The following ABCB1 variants were observed in gnomAD, a reference collection of about 807,000 sequenced individuals.
ABCB1 encodes ATP binding cassette subfamily B member 1.
In ABCB1, 69 loss-of-function variants were observed where a neutral mutation model predicts 142.0. The ratio of observed to expected loss-of-function variants is 0.49; its 90% confidence interval spans 0.40 to 0.59. The LOEUF is 0.59. ABCB1 is among the 20% of genes least tolerant of loss of function. The pLI is 0.00. For missense variants in ABCB1, 1,326 were observed against 1,554.7 expected, an observed-to-expected ratio of 0.85 and a Z score of 2.47; for synonymous variants, 532 against 539.2, an observed-to-expected ratio of 0.99 and a Z score of 0.18.
intron 24 of ABCB1, 109 bp from the exon 25 acceptor site, chr7:87,515,537 A>G: frequency 1.1e-6 from 1 of 911,500 alleles, no homozygotes; most frequent in Non-Finnish European, 1.8e-6. Context: ...TTTGTGTTAC[A>G]ATTGGCTTCA....
At chr7:87,601,582 A>G (rs1819459256), upstream of ABCB1, among the ~76,000 whole-genome samples, 1 of 152,234 alleles carries the variant, frequency 6.6e-6, no homozygotes, top group South Asian at 2.1e-4. Flanking sequence ...AGCATATTAC[A>G]TTAGTTGTAA....
chr7:87,660,737 C>A (rs1824617586), intron 1 of ABCB1, among the ~76,000 whole-genome samples: 1 of 151,762 alleles, frequency 6.6e-6, no homozygotes, highest in Admixed American at 6.6e-5. Context: ...ACTGCTTTGG[C>A]TAAATTTATG....
chr7:87,597,121 C>A (rs1266991701), intron 2 of ABCB1, among the ~76,000 whole-genome samples: 1 of 151,892 alleles, frequency 6.6e-6, no homozygotes, highest in African/African-American at 2.4e-5. Flanking sequence ...TATAACTAAG[C>A]CAATATTTAA....
chr7:87,701,039 A>G lies in ABCB1; in HGVS notation c.-331+12122T>C, dbSNP rs183023343. 2.5e-4 allele frequency among the ~76,000 whole-genome samples: 38 copies of G among 152,252 alleles called. 1 individual carries two copies. The highest frequency in any genetic ancestry group is 1.4e-3 in the Admixed American group (21 of 15,294). Reference sequence around the variant, plus strand: ...AAACATTAATTCTTATTAAATCTCAACTTTGAGGATCTGTCTTTTTAATAT... The same window carrying G: ...AAACATTAATTCTTATTAAATCTCAGCTTTGAGGATCTGTCTTTTTAATAT... On this transcript the variant is annotated intron_variant, in intron 1 of 28. Transcript: ENST00000265724.
At chr7:87,670,877 G>T (rs183297817) in intron 1 of ABCB1, among the ~76,000 whole-genome samples, 340 of 152,326 alleles carry the variant, frequency 2.2e-3, no homozygotes, top group Non-Finnish European at 3.5e-3. Context: ...CTCTGTCAAT[G>T]TTCTGAAAGT....
chr7:87,560,149 T>C (rs1166064727), intron 8 of ABCB1, among the ~76,000 whole-genome samples: 1 of 152,204 alleles, frequency 6.6e-6, no homozygotes, highest in Non-Finnish European at 1.5e-5. Flanking sequence ...AGCCGGGGAT[T>C]TATTTCATTG....
chr7:87,512,891 T>C (rs1815079809), intron 25 of ABCB1, among the ~76,000 whole-genome samples: 1 of 152,222 alleles, frequency 6.6e-6, no homozygotes. Context: ...TACTGTCCTA[T>C]GCACTCAGCA....
upstream of ABCB1, among the ~76,000 whole-genome samples, chr7:87,604,542 A>G (rs1360908664): frequency 6.6e-6 from 1 of 152,040 alleles, no homozygotes; most frequent in African/African-American, 2.4e-5. Context: ...ATATTAAATG[A>G]CTGTACTTGA....
chr7:87,561,041 G>A (rs1329212769), intron 8 of ABCB1, among the ~76,000 whole-genome samples: 4 of 152,166 alleles, frequency 2.6e-5, no homozygotes, highest in African/African-American at 9.7e-5. Flanking sequence ...CTATTTTTAT[G>A]TTATTGCCCA....
At chr7:87,521,931 C>T in intron 21 of ABCB1, 1 of 781,122 alleles carries the variant, frequency 1.3e-6, no homozygotes, top group Non-Finnish European at 2.3e-6. Flanking sequence ...ACGACCATGA[C>T]TCCATGGGTA....
At chr7:87,505,818 T>A (rs1563024732) in intron 27 of ABCB1, 79 bp downstream of exon 27, 63 of 1,550,662 alleles carry the variant, frequency 4.1e-5, no homozygotes, top group Non-Finnish European at 5.5e-5. Flanking sequence ...CTGGCTGCAT[T>A]TTGTTCTTTA....
At chr7:87,680,617 AC>A (rs1374181426) in intron 1 of ABCB1, among the ~76,000 whole-genome samples, 1 of 149,940 alleles carries the variant, frequency 6.7e-6, no homozygotes, top group Non-Finnish European at 1.5e-5. Context: ...ACATGGTGAA[AC>A]CCCGTTTCTA....
At chr7:87,592,446 G>T (rs1009236422) in intron 3 of ABCB1, among the ~76,000 whole-genome samples, 1 of 152,180 alleles carries the variant, frequency 6.6e-6, no homozygotes, top group Non-Finnish European at 1.5e-5. Context: ...CACCCAAGTT[G>T]GTTGGAGCAC....
intron 15 of ABCB1, among the ~76,000 whole-genome samples, chr7:87,545,452 A>T (rs1181989383): frequency 1.3e-5 from 2 of 152,252 alleles, no homozygotes; most frequent in Admixed American, 6.5e-5. Flanking sequence ...AATATATCCA[A>T]TATATTATTG....
At chr7:87,506,637 C>T (rs1234231679) in intron 26 of ABCB1, among the ~76,000 whole-genome samples, 1 of 152,134 alleles carries the variant, frequency 6.6e-6, no homozygotes, top group Non-Finnish European at 1.5e-5. Flanking sequence ...TCCCAAAATT[C>T]TTCCCGTGTT....
At chr7:87,604,401 C>T (rs965627251), upstream of ABCB1, among the ~76,000 whole-genome samples, 13 of 151,598 alleles carry the variant, frequency 8.6e-5, no homozygotes, top group Non-Finnish European at 1.9e-4. Flanking sequence ...AGACATATGA[C>T]TCACTTGTGT....
intron 1 of ABCB1, among the ~76,000 whole-genome samples, chr7:87,610,299 G>A (rs1051174282): frequency 7.2e-6 from 1 of 139,154 alleles, no homozygotes; most frequent in Non-Finnish European, 1.5e-5. Flanking sequence ...TTGCAATGGT[G>A]CAGTCATTGC....
intron 7 of ABCB1, among the ~76,000 whole-genome samples, chr7:87,563,708 A>T (rs563922179): frequency 6.6e-6 from 1 of 152,334 alleles, no homozygotes; most frequent in South Asian, 2.1e-4. Context: ...TGAATGGGCA[A>T]AAGCTGGAAG....
intron 1 of ABCB1, among the ~76,000 whole-genome samples, chr7:87,641,671 A>G (rs1202294559): frequency 2.6e-5 from 4 of 152,200 alleles, no homozygotes; most frequent in African/African-American, 9.7e-5. Flanking sequence ...ACTAGATTGC[A>G]TATTCAAAAA....
Sources: allele counts gnomAD v4.1 joint callset (sites outside exome capture counted in the v4.1 genomes callset), GRCh38; gene constraint gnomAD v4.1.1; transcripts MANE v1.5; gene names NCBI Gene and HGNC (gene_info 2026-07-23, HGNC 2026-07-21).